JAZF1: variants seen among roughly 807,000 people sequenced by gnomAD.
JAZF1 encodes the protein juxtaposed with another zinc finger protein 1.
A neutral mutation model predicts 26.4 loss-of-function variants in JAZF1; 8 were observed. That is an observed-to-expected ratio of 0.30 (90% confidence interval 0.18 to 0.55). JAZF1 has a LOEUF of 0.55. Among genes scored for constraint, JAZF1 ranks in the 20% least tolerant of loss-of-function variants. The pLI, the probability that JAZF1 is intolerant of heterozygous loss-of-function variation, is 0.94. For synonymous variants in JAZF1, 126 were observed against 122.3 expected (o/e 1.03, Z -0.20); for missense variants, 199 against 322.0 (o/e 0.62, Z 2.92).
chr7:28,091,389 C>A (rs1009439278), intron 1 of JAZF1, among the ~76,000 whole-genome samples: 1 of 151,752 alleles, frequency 6.6e-6, no homozygotes, highest in Non-Finnish European at 1.5e-5. Flanking sequence ...GAGGCATTTT[C>A]CCTTGCTCCC....
intron 1 of JAZF1, among the ~76,000 whole-genome samples, chr7:28,102,888 A>G (rs1047435186): frequency 9.8e-5 from 15 of 152,336 alleles, no homozygotes; most frequent in Admixed American, 9.8e-4. Flanking sequence ...ACACGATGAC[A>G]TAAAACAGCA....
intron 4 of JAZF1, among the ~76,000 whole-genome samples, chr7:27,834,427 C>T (rs956156434): frequency 2.0e-5 from 3 of 152,212 alleles, no homozygotes; most frequent in Non-Finnish European, 4.4e-5. Context: ...TGGCTATGCT[C>T]AGAGTCTGAA....
At chr7:28,136,223 A>G (rs1782884286) in intron 1 of JAZF1, among the ~76,000 whole-genome samples, 1 of 152,162 alleles carries the variant, frequency 6.6e-6, no homozygotes, top group Admixed American at 6.6e-5. Flanking sequence ...TATTCTCCCT[A>G]TTTTACAGGT....
intron 2 of JAZF1, among the ~76,000 whole-genome samples, chr7:27,901,404 A>C (rs570168489): frequency 6.6e-6 from 1 of 152,190 alleles, no homozygotes; most frequent in Non-Finnish European, 1.5e-5. Flanking sequence ...CCACAGGGGG[A>C]AAATGTCAAC....
At chr7:28,028,485 A>G (rs546594670) in intron 1 of JAZF1, among the ~76,000 whole-genome samples, 1 of 152,254 alleles carries the variant, frequency 6.6e-6, no homozygotes, top group Non-Finnish European at 1.5e-5. Flanking sequence ...TGAAGGCAAT[A>G]TGTAGAGATG....
At chr7:28,039,160 A>G (rs1209856483) in intron 1 of JAZF1, among the ~76,000 whole-genome samples, 1 of 152,204 alleles carries the variant, frequency 6.6e-6, no homozygotes, top group Admixed American at 6.5e-5. Flanking sequence ...GACCTTGGAG[A>G]CTTACTTAGC....
chr7:27,937,620 T>TTA (rs1784778848), intron 2 of JAZF1, among the ~76,000 whole-genome samples: 1 of 152,196 alleles, frequency 6.6e-6, no homozygotes, highest in African/African-American at 2.4e-5. Context: ...GGTTTACTGC[T>TTA]TATAAACAAG....
chr7:28,035,313 C>CAAAAAAAAAAAAAAAAAAAAAAAAAAAAA (rs201602870), intron 1 of JAZF1, among the ~76,000 whole-genome samples: 1 of 27,454 alleles, frequency 3.6e-5, no homozygotes, highest in African/African-American at 1.6e-4. Flanking sequence ...GACTCCATCT[C>CAAAAAAAAAAAAAAAAAAAAAAAAAAAAA]AAAAAAAAAA....
At chr7:28,018,671 C>T (rs1208541915) in intron 1 of JAZF1, among the ~76,000 whole-genome samples, 4 of 152,150 alleles carry the variant, frequency 2.6e-5, no homozygotes, top group Non-Finnish European at 5.9e-5. Context: ...AGTCACATCC[C>T]CCCAAATACA....
intron 1 of JAZF1, among the ~76,000 whole-genome samples, chr7:28,046,315 A>G (rs1463840586): frequency 6.6e-6 from 1 of 152,176 alleles, no homozygotes; most frequent in African/African-American, 2.4e-5. Flanking sequence ...CTAGTTCCAG[A>G]CCTGGCTTGT....
intron 2 of JAZF1, among the ~76,000 whole-genome samples, chr7:27,926,555 C>T (rs557098086): frequency 9.8e-5 from 15 of 152,350 alleles, no homozygotes; most frequent in African/African-American, 3.6e-4. Context: ...ACCATATCAG[C>T]ACTCTAGCCT....
intron 2 of JAZF1, among the ~76,000 whole-genome samples, chr7:27,958,854 CAGA>C (rs1785143229): frequency 2.0e-5 from 3 of 152,082 alleles, no homozygotes; most frequent in Admixed American, 6.5e-5. Flanking sequence ...ATGGGGAGGG[CAGA>C]AGGAGACAAG....
Position 27,982,806 on chromosome 7 carries a change from C to T in JAZF1, c.188+9103G>A, listed in dbSNP as rs781633523. Among the ~76,000 whole-genome samples the T allele has an allele frequency of 5.3e-5, 8 of 152,238 alleles. No homozygotes were observed. The South Asian group carries it at 6.2e-4, about 12-fold the overall frequency. ...GCAATATTTGCTGTTCTGCAGCCTC[C>T]GCTGGTGATACACAGGCAAACAGGG... is the stretch of plus-strand genomic sequence containing the variant. On this transcript the variant is annotated intron_variant, in intron 2 of 4. Transcript: ENST00000283928.
At chr7:27,879,708 A>G (rs968047518) in intron 3 of JAZF1, among the ~76,000 whole-genome samples, 2 of 152,188 alleles carry the variant, frequency 1.3e-5, no homozygotes, top group African/African-American at 4.8e-5. Flanking sequence ...TAGAAAAGAT[A>G]CTAAAAGTAC....
At chr7:27,926,976 G>C (rs1784610827) in intron 2 of JAZF1, among the ~76,000 whole-genome samples, 1 of 152,224 alleles carries the variant, frequency 6.6e-6, no homozygotes, top group South Asian at 2.1e-4. Context: ...TCAGGGGACA[G>C]AACATCTCCC....
intron 3 of JAZF1, among the ~76,000 whole-genome samples, chr7:27,878,299 A>C (rs1418970362): frequency 6.6e-6 from 1 of 152,192 alleles, no homozygotes; most frequent in Non-Finnish European, 1.5e-5. Flanking sequence ...AGCCTAGATC[A>C]CTTGTAGCCT....
intron 1 of JAZF1, among the ~76,000 whole-genome samples, chr7:28,150,769 G>A (rs1472961570): frequency 2.0e-5 from 3 of 152,208 alleles, no homozygotes; most frequent in African/African-American, 2.4e-5. Context: ...AGGCCACTTC[G>A]CCTCCAGGCC....
At chr7:28,084,417 A>C (rs1473689891) in intron 1 of JAZF1, among the ~76,000 whole-genome samples, 1 of 152,152 alleles carries the variant, frequency 6.6e-6, no homozygotes, top group Non-Finnish European at 1.5e-5. Context: ...TCACCAAGTC[A>C]AGTACATTGT....
Position 28,180,538 on chromosome 7 carries a change from A to G in JAZF1, c.40T>C (p.Cys14Arg). 6.2e-7 allele frequency: 1 copy of G among 1,609,108 alleles called. No homozygotes were observed. The highest frequency in any genetic ancestry group is 8.5e-7 in the Non-Finnish European group (1 of 1,178,122). ...IAAASFFSNT[C>R]RFGGCGLHFP... ...TGGAGTCCGCAGCCCCCGAATCGGC[A>G]GGTATTGGAGAAGAAGGAGGCGGCG... The change falls in exon 1 of 5, where the codon TGC becomes CGC. Residue 14 changes from cysteine to arginine, a missense_variant. Physicochemically the swap from Cys to Arg is radical, Grantham distance 180. This residue lies in a region of JAZF1 where 137 missense variants were observed against 184.8 expected (regional missense o/e 0.74). Coordinates refer to ENST00000283928, the MANE Select transcript of JAZF1 (RefSeq NM_175061.4).
Sources: allele counts gnomAD v4.1 joint callset (sites outside exome capture counted in the v4.1 genomes callset), GRCh38; gene constraint gnomAD v4.1.1; regional missense constraint gnomAD v4.1.1; transcripts MANE v1.5; gene names NCBI Gene and HGNC (gene_info 2026-07-23, HGNC 2026-07-21).